Variants in CDCA2 observed in about 807,000 individuals in gnomAD.
CDCA2 encodes the protein cell division cycle associated 2.
CDCA2 carries 44 observed loss-of-function variants against 67.0 expected under a neutral mutation model. The observed-to-expected ratio is 0.66, with a 90% confidence interval of 0.52 to 0.84. The LOEUF (loss-of-function observed/expected upper bound fraction) is 0.84. Ranked by LOEUF, CDCA2 falls within the 40% of genes least tolerant of loss-of-function variation. The pLI, the probability that CDCA2 is intolerant of heterozygous loss-of-function variation, is 0.00. For missense variants in CDCA2, 1,253 were observed against 1,203.2 expected, an observed-to-expected ratio of 1.04 and a Z score of -0.61; for synonymous variants, 447 against 418.7, an observed-to-expected ratio of 1.07 and a Z score of -0.82.
At chr8:25,487,081 C>CA (rs35258360) in intron 11 of CDCA2, among the ~76,000 whole-genome samples, 165 bp from the exon 12 acceptor site, 2 of 149,706 alleles carry the variant, frequency 1.3e-5, no homozygotes, top group African/African-American at 2.4e-5. Flanking sequence ...TTTTTTAAAA[C>CA]AAAAAAAAAA....
At chr8:25,473,573 C>A (rs4872314) in intron 7 of CDCA2, among the ~76,000 whole-genome samples, 149,845 of 152,306 alleles carry the variant, frequency 0.98, 73,769 homozygotes, top group Middle Eastern at 1. Context: ...TTAAAATGAC[C>A]AAAGTACTTC....
At chr8:25,499,631 A>G (rs1034002429) in intron 13 of CDCA2, among the ~76,000 whole-genome samples, 1 of 151,930 alleles carries the variant, frequency 6.6e-6, no homozygotes, top group Non-Finnish European at 1.5e-5. Flanking sequence ...TTTTAAAGCT[A>G]TTCTCTGAAA....
At chr8:25,502,900 G>T (rs1011842180) in intron 13 of CDCA2, among the ~76,000 whole-genome samples, 1 of 152,062 alleles carries the variant, frequency 6.6e-6, no homozygotes, top group African/African-American at 2.4e-5. Context: ...TCCTACCCTC[G>T]ATTTAGATGC....
Position 25,460,565 on chromosome 8 carries a change from T to C in CDCA2, c.232+11T>C. 1.2e-6 allele frequency: 2 copies of C among 1,606,106 alleles called. No homozygotes were observed. The highest frequency in any genetic ancestry group is 1.7e-6 in the Non-Finnish European group (2 of 1,177,124). On this transcript the variant is annotated intron_variant, in intron 3 of 14. Coordinates refer to ENST00000330560, the MANE Select transcript of CDCA2 (RefSeq NM_152562.4). ...TTAGGAACTCTGCAGGTAAGAAAAG[T>C]TGTCATTCTGTTGTAATGCTTTTCA...
chr8:25,479,476 C>T (rs1051990146), intron 7 of CDCA2, among the ~76,000 whole-genome samples: 2 of 152,194 alleles, frequency 1.3e-5, no homozygotes, highest in African/African-American at 4.8e-5. Flanking sequence ...GATGATCTTT[C>T]TTTTCTCATT....
rs141998908 is a variant in CDCA2, at chr8:25,460,671, C to T, written c.232+117C>T. 3.5e-4 allele frequency: 373 copies of T among 1,063,932 alleles called. No homozygotes were observed. The African/African-American group carries it at 5.8e-3, about 17-fold the overall frequency. The allele number at this position is 1,063,932 out of a possible 1,614,324, so 65.9% of individuals were successfully genotyped here. On this transcript the variant is annotated intron_variant, in intron 3 of 14. Coordinates refer to ENST00000330560, the MANE Select transcript of CDCA2 (RefSeq NM_152562.4). The stretch of plus-strand genomic sequence containing the variant: ...ATTTTAGGTACCTAAATTGCCTACT[C>T]TGCAAACTTGCTTCTTCAGAGAGAC...
intron 1 of CDCA2, 64 bp from the exon 2 acceptor site, chr8:25,460,176 C>G: frequency 9.4e-6 from 14 of 1,497,244 alleles, no homozygotes; most frequent in Non-Finnish European, 1.2e-5. Flanking sequence ...GAATAAGGTA[C>G]GTGATCGAAT....
chr8:25,479,983 A>T lies in CDCA2; in HGVS notation c.891A>T (p.Ala297=), dbSNP rs777469092. Residue 297 remains alanine, a synonymous_variant, in exon 8 of 15, where the codon GCA becomes GCT. Transcript: ENST00000330560. The stretch of plus-strand genomic sequence containing the variant: ...CCGTTTCGCCTGACACGTTCACAGC[A>T]GAAGTGAGCTCAGACGCAGTCCCTG... ...SDAVSPDTFT[A]EVSSDAVPDV... The T allele has an allele frequency of 1.2e-6, 2 of 1,614,180 alleles. No individual in the cohort carries two copies. Among genetic ancestry groups the T allele is most frequent in the Admixed American group, 3.3e-5 (2 of 60,016 alleles).
intron 11 of CDCA2, among the ~76,000 whole-genome samples, chr8:25,486,200 A>G (rs1803768481): frequency 6.6e-6 from 1 of 152,304 alleles, no homozygotes; most frequent in African/African-American, 2.4e-5. Context: ...CTTTTTCCTC[A>G]ACATTCATTG....
Position 25,468,271 on chromosome 8 carries a change from C to G in CDCA2, c.593C>G (p.Ser198Cys). Residue 198 changes from serine to cysteine, a missense_variant, in exon 6 of 15, where the codon TCC becomes TGC. By Grantham distance (112) the Ser-to-Cys change is moderately radical. Transcript: ENST00000330560. Reference sequence around the variant, plus strand: ...CAGTCTGGGTTCCCTGCAGTGTTGTCCTCCAAACGTCGGAGAATATCCTAT... The same window carrying G: ...CAGTCTGGGTTCCCTGCAGTGTTGTGCTCCAAACGTCGGAGAATATCCTAT... ...CQQSGFPAVL[S>C]SKRRRISYQR... The G allele has an allele frequency of 6.2e-7, 1 of 1,613,102 alleles. No homozygotes were observed. Among genetic ancestry groups the G allele is most frequent in the Non-Finnish European group, 8.5e-7 (1 of 1,179,652 alleles).
At chr8:25,461,502 C>G (rs1464067615) in intron 3 of CDCA2, among the ~76,000 whole-genome samples, 1 of 152,158 alleles carries the variant, frequency 6.6e-6, no homozygotes, top group African/African-American at 2.4e-5. Flanking sequence ...AAGTGGCACG[C>G]CACCCTAACT....
intron 10 of CDCA2, 91 bp from the exon 11 acceptor site, chr8:25,485,668 C>T (rs909368497): frequency 7.8e-6 from 5 of 639,702 alleles, no homozygotes; most frequent in East Asian, 2.8e-5. Flanking sequence ...TATAGTTTCT[C>T]CTACCAAAAT....
intron 11 of CDCA2, among the ~76,000 whole-genome samples, 165 bp downstream of exon 11, chr8:25,486,002 C>A (rs914355307): frequency 6.6e-5 from 10 of 152,160 alleles, no homozygotes; most frequent in Admixed American, 3.3e-4. Flanking sequence ...TTCATCCATC[C>A]CTTTTCCATT....
chr8:25,466,857 A>G (rs1444121466), intron 5 of CDCA2, among the ~76,000 whole-genome samples: 2 of 151,880 alleles, frequency 1.3e-5, no homozygotes, highest in African/African-American at 4.8e-5. Flanking sequence ...AGCCTGGCCA[A>G]CATGGTGAAA....
chr8:25,492,402 G>A (rs1804047419), intron 13 of CDCA2, among the ~76,000 whole-genome samples: 1 of 152,130 alleles, frequency 6.6e-6, no homozygotes. Flanking sequence ...GCCTAGAAGA[G>A]CAACCAGTCC....
intron 14 of CDCA2, among the ~76,000 whole-genome samples, chr8:25,504,625 T>C (rs1251118750): frequency 9.9e-5 from 15 of 152,156 alleles, no homozygotes; most frequent in Admixed American, 9.8e-4. Flanking sequence ...CTGCTTAACA[T>C]TAGGATAGCA....
chr8:25,476,835 T>C lies in CDCA2; in HGVS notation c.821-3078T>C, dbSNP rs370714906. Among the ~76,000 whole-genome samples, 11 of 152,300 alleles carry C rather than the reference T, an allele frequency of 7.2e-5. No homozygotes were observed. The East Asian group carries it at 1.9e-3, about 27-fold the overall frequency. On this transcript the variant is annotated intron_variant, in intron 7 of 14. Transcript: ENST00000330560. ...TCCCAAAGTGCTGGAATTACAGGCA[T>C]GAGCCACCACGCCTGGCCTCTACCC...
At chr8:25,502,038 C>T (rs977860455) in intron 13 of CDCA2, among the ~76,000 whole-genome samples, 1 of 152,190 alleles carries the variant, frequency 6.6e-6, no homozygotes, top group Admixed American at 6.5e-5. Flanking sequence ...GCTGGGACTA[C>T]AGGTGCGCAC....
At chr8:25,481,705 G>A (rs902598774) in intron 8 of CDCA2, among the ~76,000 whole-genome samples, 1 of 152,152 alleles carries the variant, frequency 6.6e-6, no homozygotes, top group East Asian at 1.9e-4. Flanking sequence ...AAAAAGAAAA[G>A]AAAACATTTA....
Sources: gnomAD v4.1 joint callset for allele counts (sites outside exome capture counted in the v4.1 genomes callset) on GRCh38, gnomAD v4.1.1 for gene constraint, MANE v1.5 for transcripts, NCBI Gene and HGNC (gene_info 2026-07-23, HGNC 2026-07-21) for gene names.